Variants in ZFAND2A observed in about 807,000 individuals in gnomAD.
ZFAND2A encodes the protein zinc finger AN1-type containing 2A, also known as AN1-type zinc finger protein 2A.
ZFAND2A carries 20 observed loss-of-function variants against 11.6 expected under a neutral mutation model. The observed-to-expected ratio is 1.72, with a 90% CI of 1.21 to 2.50. The LOEUF (loss-of-function observed/expected upper bound fraction) is 2.50. Among genes scored for constraint, ZFAND2A ranks in the 30% most tolerant of loss-of-function variants. ZFAND2A has a pLI of 0.00. For missense variants in ZFAND2A, 234 were observed against 182.9 expected (o/e 1.28, Z -1.61); for synonymous variants, 93 against 60.6 (o/e 1.54, Z -2.48).
chr7:1,155,397 C>T (rs1017973338), intron 4 of ZFAND2A, 56 bp downstream of exon 4: 21 of 1,589,866 alleles, frequency 1.3e-5, no homozygotes, highest in Admixed American at 1.8e-5. Flanking sequence ...ACTGACTCTT[C>T]CCAAGGAAAA....
intron 1 of ZFAND2A, among the ~76,000 whole-genome samples, chr7:1,158,985 C>G (rs1191416129): frequency 6.6e-6 from 1 of 152,160 alleles, no homozygotes; most frequent in Non-Finnish European, 1.5e-5. Context: ...CTCCCCACTC[C>G]TGGAGGCCTC....
downstream of ZFAND2A, chr7:1,152,029 A>G: frequency 2.1e-6 from 1 of 468,032 alleles, no homozygotes; most frequent in Non-Finnish European, 3.7e-6. Context: ...AAGGTGTTTC[A>G]GAAACCAGCT....
chr7:1,159,499 G>A (rs1793625232), intron 1 of ZFAND2A, among the ~76,000 whole-genome samples: 1 of 139,712 alleles, frequency 7.2e-6, no homozygotes, highest in African/African-American at 2.7e-5. Context: ...ACCCCGGCAG[G>A]CCCGGTCCCC....
downstream of ZFAND2A, chr7:1,152,045 A>C (rs375068419): frequency 1.5e-4 from 78 of 523,602 alleles, no homozygotes; most frequent in East Asian, 2.0e-3. Context: ...CAGCTGTATG[A>C]TGCTGCTGCT....
At chr7:1,156,856 G>A (rs541789300) in intron 3 of ZFAND2A, among the ~76,000 whole-genome samples, 2 of 152,170 alleles carry the variant, frequency 1.3e-5, no homozygotes, top group South Asian at 4.1e-4. Context: ...GGAAGGGGCA[G>A]TGGGAAGACA....
At chr7:1,150,814 A>G (rs1198090071), downstream of ZFAND2A, among the ~76,000 whole-genome samples, 2 of 151,622 alleles carry the variant, frequency 1.3e-5, no homozygotes, top group Admixed American at 6.6e-5. Flanking sequence ...GCATTTTGCA[A>G]CTTTCTTGTT....
intron 4 of ZFAND2A, among the ~76,000 whole-genome samples, chr7:1,153,879 G>A (rs1050360293): frequency 2.6e-5 from 4 of 152,126 alleles, no homozygotes; most frequent in Non-Finnish European, 5.9e-5. Flanking sequence ...AGGCAGAGGC[G>A]GCAGTGAGCT....
chr7:1,159,554 TC>T lies in ZFAND2A; in HGVS notation c.-46+409del, dbSNP rs1384399546. The stretch of plus-strand genomic sequence containing the variant: ...AACAGCCAGACCCCGGCAGGCCCGG[TC>T]CCCAGCAGACAGGCCGGACCCCCAA... On this transcript the variant is annotated intron_variant, in intron 1 of 4. Transcript: ENST00000316495. 1.0e-4 allele frequency among the ~76,000 whole-genome samples: 6 copies of T among 59,614 alleles called. No individual in the cohort carries two copies. The East Asian group carries it at 2.1e-3, about 21-fold the overall frequency. 39.1% of individuals were successfully genotyped at this position (59,614 alleles called of 152,430 possible).
At position 1,157,409 on chromosome 7, in the gene ZFAND2A, T is replaced by A. The variant is rs567240616; in HGVS notation, c.150+247A>T. 3.6e-5 allele frequency: 13 copies of A among 356,776 alleles called. 1 individual carries two copies. Among genetic ancestry groups the A allele is most frequent in the African/African-American group, 2.4e-4 (11 of 46,794 alleles). 22.1% of individuals were successfully genotyped at this position (356,776 alleles called of 1,614,324 possible). On this transcript the variant is annotated intron_variant, in intron 3 of 4. Coordinates refer to ENST00000316495, the MANE Select transcript of ZFAND2A (RefSeq NM_182491.4). ...ATAAGGTTACAACTAAGTGACTCCA[T>A]GAGTCCCTGAAAATAAGATCTCAGT...
chr7:1,157,249 T>C (rs145793209), intron 3 of ZFAND2A: 2 of 155,500 alleles, frequency 1.3e-5, no homozygotes, highest in East Asian at 3.8e-4. Flanking sequence ...GCGTATTTAC[T>C]GCCTTCCTGA....
In ZFAND2A at chr7:1,152,979, G is replaced by A. The variant is rs775997547; in HGVS notation, c.*90C>T. On this transcript the variant is annotated 3_prime_UTR_variant, in exon 5 of 5. Transcript: ENST00000316495. ...CAAGATCAGCAGCCAGTGTGGGATG[G>A]TGCTCAATGGGGCTCCACTTCCCAC... is the stretch of plus-strand genomic sequence containing the variant. The A allele has an allele frequency of 4.2e-5, 64 of 1,524,420 alleles. No individual in the cohort carries two copies. The highest frequency in any genetic ancestry group is 5.3e-5 in the Non-Finnish European group (59 of 1,111,874). 94.4% of individuals were successfully genotyped at this position (1,524,420 alleles called of 1,614,324 possible). A position where few individuals can be genotyped will look rare whatever the true frequency, so the allele number is the denominator to read the frequency against.
At chr7:1,149,771 C>G (rs1793364046), downstream of ZFAND2A, among the ~76,000 whole-genome samples, 1 of 152,174 alleles carries the variant, frequency 6.6e-6, no homozygotes, top group African/African-American at 2.4e-5. Flanking sequence ...GCTTCCAAAC[C>G]TAGGCGTGGT....
At chr7:1,149,094 G>A (rs533070627), downstream of ZFAND2A, among the ~76,000 whole-genome samples, 111 of 152,138 alleles carry the variant, frequency 7.3e-4, no homozygotes, top group African/African-American at 2.5e-3. Flanking sequence ...CACTGGGCCC[G>A]GCTGGATACA....
At position 1,153,414 on chromosome 7, in the gene ZFAND2A, T is replaced by C. The variant is rs986275072; in HGVS notation, c.283-190A>G. Among the ~76,000 whole-genome samples the C allele has an allele frequency of 1.3e-5, 2 of 152,082 alleles. 1 individual carries two copies. The highest frequency in any genetic ancestry group is 4.8e-5 in the African/African-American group (2 of 41,396). ...ACACACCGCCACGTCCAGCTAATTT[T>C]GTCTATTTTCACAGAGATGGGGTCT... On this transcript the variant is annotated intron_variant, in intron 4 of 4. Coordinates refer to ENST00000316495, the MANE Select transcript of ZFAND2A (RefSeq NM_182491.4).
intron 3 of ZFAND2A, 26 bp downstream of exon 3, chr7:1,157,630 A>C: frequency 2.5e-6 from 4 of 1,571,554 alleles, no homozygotes; most frequent in Non-Finnish European, 3.4e-6. Flanking sequence ...TGAAGATGAG[A>C]ATCTTTTGAA....
intron 1 of ZFAND2A, among the ~76,000 whole-genome samples, 152 bp downstream of exon 1, chr7:1,159,812 G>A (rs1584033694): frequency 9.6e-6 from 1 of 104,258 alleles, no homozygotes; most frequent in East Asian, 2.1e-4. Flanking sequence ...GTCCCCAGCA[G>A]ACAGGCCGGA....
intron 1 of ZFAND2A, among the ~76,000 whole-genome samples, chr7:1,159,518 G>A (rs1446472045): frequency 2.0e-4 from 25 of 125,876 alleles, no homozygotes; most frequent in African/African-American, 7.7e-4. Context: ...CCAGCAGACA[G>A]CCGGACCCCC....
chr7:1,151,771 A>AAAAAAAAAAAAAAAAAAAAAAAC, downstream of ZFAND2A, among the ~76,000 whole-genome samples: 1 of 150,434 alleles, frequency 6.6e-6, no homozygotes, highest in Non-Finnish European at 1.5e-5. Flanking sequence ...TTAAAAAAAA[A>AAAAAAAAAAAAAAAAAAAAAAAC]AAAGCAAAGC....
At position 1,153,186 on chromosome 7, in the gene ZFAND2A, C is replaced by G; in HGVS notation, c.321G>C (p.Lys107Asn). The change falls in exon 5 of 5, where the codon AAG becomes AAC. Residue 107 changes from lysine to asparagine, a missense_variant. Physicochemically the swap from Lys to Asn is moderately conservative, Grantham distance 94. Coordinates refer to ENST00000316495, the MANE Select transcript of ZFAND2A (RefSeq NM_182491.4). Reference protein sequence around the residue: ...TYRCSKEGCKKKEMLQMVCAQ... With the variant: ...TYRCSKEGCKNKEMLQMVCAQ... ...CACATACCATCTGCAGCATCTCTTT[C>G]TTCTTGCAGCCCTCTTTTGAGCAAC... 1 of 1,614,130 alleles carries G rather than the reference C, an allele frequency of 6.2e-7. No individual in the cohort carries two copies. The highest frequency in any genetic ancestry group is 8.5e-7 in the Non-Finnish European group (1 of 1,179,956).
Sources: gnomAD v4.1 joint callset for allele counts (sites outside exome capture counted in the v4.1 genomes callset) on GRCh38, gnomAD v4.1.1 for gene constraint, MANE v1.5 for transcripts, NCBI Gene and HGNC (gene_info 2026-07-23, HGNC 2026-07-21) for gene names.